The following GLIS3 variants were observed in gnomAD, a reference collection of about 807,000 sequenced individuals.
GLIS3 encodes zinc finger protein GLIS3.
A neutral mutation model predicts 78.6 loss-of-function variants in GLIS3; 53 were observed. That is an observed-to-expected ratio of 0.67 (90% confidence interval 0.54 to 0.85). The LOEUF (loss-of-function observed/expected upper bound fraction) is 0.85. GLIS3 is among the 40% of genes least tolerant of loss of function. The pLI is 0.00. For missense variants in GLIS3, 1,703 were observed against 1,231.1 expected (o/e 1.38, Z -5.74); for synonymous variants, 684 against 509.9 (o/e 1.34, Z -4.60).
At chr9:3,940,275 A>ATT in intron 4 of GLIS3, among the ~76,000 whole-genome samples, 1 of 152,026 alleles carries the variant, frequency 6.6e-6, no homozygotes, top group Non-Finnish European at 1.5e-5. Context: ...TATCCTTCTT[A>ATT]TTTTTTTTCA....
the GLIS3 span, among the ~76,000 whole-genome samples, chr9:4,450,992 A>G: frequency 1.3e-5 from 2 of 152,136 alleles, no homozygotes; most frequent in Non-Finnish European, 2.9e-5. Context: ...CAAATTCACA[A>G]TAACAATACT....
intron 2 of GLIS3, among the ~76,000 whole-genome samples, chr9:4,148,304 A>G (rs530079320): frequency 6.6e-6 from 1 of 152,120 alleles, no homozygotes; most frequent in South Asian, 2.1e-4. Context: ...ATTCACCACT[A>G]TGGTTCTTTC....
the GLIS3 span, among the ~76,000 whole-genome samples, chr9:4,443,748 T>C: frequency 2.6e-5 from 4 of 152,174 alleles, no homozygotes; most frequent in South Asian, 2.1e-4. Context: ...TGTCAAATGA[T>C]TGCAAAGAAA....
intron 2 of GLIS3, among the ~76,000 whole-genome samples, chr9:4,188,347 C>G (rs1818002466): frequency 6.8e-6 from 1 of 148,070 alleles, no homozygotes; most frequent in Admixed American, 6.8e-5. Context: ...GGATGAAGCC[C>G]ACTTGATCAT....
the GLIS3 span, among the ~76,000 whole-genome samples, chr9:4,435,091 C>A: frequency 1.3e-5 from 2 of 152,188 alleles, no homozygotes; most frequent in Non-Finnish European, 2.9e-5. Context: ...CAATTCTCTG[C>A]AAAACCATAG....
chr9:4,170,850 T>A (rs1329019386), intron 2 of GLIS3, among the ~76,000 whole-genome samples: 1 of 152,136 alleles, frequency 6.6e-6, no homozygotes, highest in Non-Finnish European at 1.5e-5. Flanking sequence ...GTTCATGAAA[T>A]CCTCATGAAT....
At chr9:3,861,490 C>T (rs1317383043) in intron 8 of GLIS3, among the ~76,000 whole-genome samples, 3 of 151,854 alleles carry the variant, frequency 2.0e-5, no homozygotes, top group Admixed American at 1.3e-4. Flanking sequence ...TGCATGTGTA[C>T]GTTCATTGCA....
At chr9:4,037,934 G>T (rs1383802171) in intron 4 of GLIS3, among the ~76,000 whole-genome samples, 1 of 148,178 alleles carries the variant, frequency 6.7e-6, no homozygotes, top group Admixed American at 6.8e-5. Flanking sequence ...ACATTCAGGG[G>T]AGATACAAAA....
At chr9:4,036,904 G>T (rs989732338) in intron 4 of GLIS3, among the ~76,000 whole-genome samples, 1 of 152,036 alleles carries the variant, frequency 6.6e-6, no homozygotes, top group Non-Finnish European at 1.5e-5. Flanking sequence ...ACCAGTAGAG[G>T]GGCTAAAAAT....
intron 2 of GLIS3, among the ~76,000 whole-genome samples, chr9:4,235,108 C>G (rs1277817192): frequency 6.6e-6 from 1 of 152,038 alleles, no homozygotes; most frequent in Admixed American, 6.6e-5. Flanking sequence ...ACCATCCTGG[C>G]TAACCCGGTG....
the GLIS3 span, among the ~76,000 whole-genome samples, chr9:4,439,865 C>T: frequency 0.038 from 5,830 of 152,138 alleles, 252 homozygotes; most frequent in East Asian, 0.2. Context: ...GGTTCTTTTG[C>T]AGAGAAAAGG....
the GLIS3 span, among the ~76,000 whole-genome samples, chr9:4,462,377 G>C: frequency 6.6e-6 from 1 of 152,158 alleles, no homozygotes; most frequent in Non-Finnish European, 1.5e-5. Flanking sequence ...TAAGAGACCA[G>C]TGGGGGTGTT....
chr9:4,361,392 T>A, the GLIS3 span, among the ~76,000 whole-genome samples: 1 of 152,196 alleles, frequency 6.6e-6, no homozygotes, highest in Non-Finnish European at 1.5e-5. Context: ...TTCTGACCAA[T>A]CTTGCTTCTC....
chr9:4,062,884 A>G (rs999719867), intron 4 of GLIS3, among the ~76,000 whole-genome samples: 34 of 152,136 alleles, frequency 2.2e-4, no homozygotes, highest in African/African-American at 8.0e-4. Flanking sequence ...AGCTGAGATC[A>G]TGCCACTACA....
intron 4 of GLIS3, among the ~76,000 whole-genome samples, chr9:4,060,123 T>C (rs2130553458): frequency 6.6e-6 from 1 of 152,214 alleles, no homozygotes; most frequent in Non-Finnish European, 1.5e-5. Context: ...AGCATTTTAC[T>C]GAAAGATGTC....
intron 2 of GLIS3, among the ~76,000 whole-genome samples, chr9:4,200,122 C>G (rs1050413390): frequency 6.6e-6 from 1 of 152,068 alleles, no homozygotes; most frequent in Non-Finnish European, 1.5e-5. Flanking sequence ...AACAGAGATA[C>G]AGCATACCAA....
intron 4 of GLIS3, among the ~76,000 whole-genome samples, chr9:4,053,705 TAAAA>T (rs760535978): frequency 1.1e-5 from 1 of 91,128 alleles, no homozygotes; most frequent in Non-Finnish European, 2.3e-5. Context: ...TCTTTCTTCA[TAAAA>T]AAAAAAAAAA....
chr9:4,009,295 G>A (rs1456838231), intron 4 of GLIS3, among the ~76,000 whole-genome samples: 1 of 152,192 alleles, frequency 6.6e-6, no homozygotes, highest in Non-Finnish European at 1.5e-5. Context: ...GCAGACACAA[G>A]GTGGTTCATG....
chr9:4,162,599 C>T (rs910105984), intron 2 of GLIS3, among the ~76,000 whole-genome samples: 1 of 152,098 alleles, frequency 6.6e-6, no homozygotes, highest in Non-Finnish European at 1.5e-5. Context: ...GTGGCTCACG[C>T]CTGTAATCCC....
Sources: gnomAD v4.1 joint callset for allele counts (sites outside exome capture counted in the v4.1 genomes callset) on GRCh38, gnomAD v4.1.1 for gene constraint, MANE v1.5 for transcripts, NCBI Gene and HGNC (gene_info 2026-07-23, HGNC 2026-07-21) for gene names.